Variants in LUC7L3 observed in about 807,000 individuals in gnomAD.
LUC7L3 encodes the protein LUC7 like 3 pre-mRNA splicing factor, also known as luc7-like protein 3.
Under a neutral mutation model 66.8 loss-of-function variants are expected in LUC7L3, and 6 were observed. The ratio of observed to expected loss-of-function variants is 0.09; its 90% CI spans 0.05 to 0.18. LUC7L3 has a LOEUF of 0.18. Ranked by LOEUF, LUC7L3 falls within the 10% of genes least tolerant of loss-of-function variation. The pLI is 1.00. For synonymous variants in LUC7L3, 160 were observed against 174.7 expected (o/e 0.92, Z 0.66); for missense variants, 341 against 531.1 (o/e 0.64, Z 3.52).
intron 1 of LUC7L3, among the ~76,000 whole-genome samples, chr17:50,724,531 T>A (rs1969026613): frequency 6.7e-6 from 1 of 150,050 alleles, no homozygotes; most frequent in Non-Finnish European, 1.5e-5. Flanking sequence ...AAAAAAAAAA[T>A]AGAATAAAAT....
chr17:50,741,607 T>A (rs1420751587), intron 4 of LUC7L3, 50 bp from the exon 5 acceptor site: 1 of 1,183,036 alleles, frequency 8.5e-7, no homozygotes, highest in African/African-American at 1.5e-5. Context: ...AGTTTGCATG[T>A]TTATCTTTGT....
At position 50,745,996 on chromosome 17, in the gene LUC7L3, C is replaced by T. The variant is rs369622093; in HGVS notation, c.970C>T (p.Arg324Trp). 2.9e-4 allele frequency: 459 copies of T among 1,598,148 alleles called. No homozygotes were observed. Among genetic ancestry groups the T allele is most frequent in the Non-Finnish European group, 3.7e-4 (436 of 1,175,908 alleles). Residue 324 changes from arginine to tryptophan, a missense_variant, in exon 8 of 10, where the codon CGG becomes TGG. This residue lies in a region of LUC7L3 where 210 missense variants were observed against 238.1 expected (regional missense o/e 0.88). Coordinates refer to ENST00000505658, the MANE Select transcript of LUC7L3 (RefSeq NM_016424.5). ...AAGGTCACGAAGTAGAGAAAGAAGG[C>T]GGAGCAGGTATATATAAAACACCCT... ...HKRSRSRERR[R>W]SRSRDRRRSR... is the part of the protein sequence containing the mutation.
At chr17:50,730,513 C>CAAAAAAAAAAAAAAAAA (rs3063109) in intron 1 of LUC7L3, among the ~76,000 whole-genome samples, 71 of 59,082 alleles carry the variant, frequency 1.2e-3, no homozygotes, top group Non-Finnish European at 1.4e-3. Context: ...ACTCTGTCTC[C>CAAAAAAAAAAAAAAAAA]AAAAAAAAAA....
intron 1 of LUC7L3, among the ~76,000 whole-genome samples, chr17:50,729,995 C>T (rs1460557364): frequency 7.3e-6 from 1 of 137,736 alleles, no homozygotes; most frequent in Non-Finnish European, 1.6e-5. Flanking sequence ...GCTCTGTTAC[C>T]CAGGCTGGAG....
intron 1 of LUC7L3, among the ~76,000 whole-genome samples, chr17:50,725,883 G>A (rs911083754): frequency 6.6e-6 from 1 of 152,112 alleles, no homozygotes; most frequent in Admixed American, 6.6e-5. Context: ...ACAGTACATG[G>A]TGCCACTAGC....
chr17:50,728,093 G>A (rs978445446), intron 1 of LUC7L3, among the ~76,000 whole-genome samples: 1 of 148,996 alleles, frequency 6.7e-6, no homozygotes, highest in Non-Finnish European at 1.5e-5. Flanking sequence ...ACTCCAGCAT[G>A]GGCGACAGAG....
chr17:50,745,337 C>T (rs1023722631), intron 7 of LUC7L3, among the ~76,000 whole-genome samples: 2 of 152,150 alleles, frequency 1.3e-5, no homozygotes, highest in African/African-American at 2.4e-5. Flanking sequence ...TTAGCTATAG[C>T]TACAGCTTTT....
At chr17:50,745,502 T>C (rs1331425873) in intron 7 of LUC7L3, among the ~76,000 whole-genome samples, 1 of 152,204 alleles carries the variant, frequency 6.6e-6, no homozygotes, top group Non-Finnish European at 1.5e-5. Flanking sequence ...AAGCACTTGA[T>C]TTTCTTAACT....
chr17:50,746,799 C>A, intron 9 of LUC7L3, 97 bp downstream of exon 9: 3 of 1,011,204 alleles, frequency 3.0e-6, no homozygotes, highest in South Asian at 1.8e-5. Context: ...CCATTTCATA[C>A]ATACTCCTTT....
In LUC7L3 at chr17:50,751,530, A is replaced by T. The variant is rs895000462; in HGVS notation, c.*869A>T. The T allele has an allele frequency of 8.5e-7, 1 of 1,177,564 alleles. No homozygotes were observed. The highest frequency in any genetic ancestry group is 1.1e-6 in the Non-Finnish European group (1 of 935,848). The allele number at this position is 1,177,564 out of a possible 1,614,324, so 72.9% of individuals were successfully genotyped here. A position where few individuals can be genotyped will look rare whatever the true frequency, so the allele number is the denominator to read the frequency against. On this transcript the variant is annotated 3_prime_UTR_variant, in exon 10 of 10. Coordinates refer to ENST00000505658, the MANE Select transcript of LUC7L3 (RefSeq NM_016424.5). ...ATAAAACAAATGTTAACAGAATGGA[A>T]TTTTTTTTCAACTGTATGTAGGGCT...
chr17:50,750,686 C>G lies in LUC7L3; in HGVS notation c.*25C>G, dbSNP rs1567880721. The G allele has an allele frequency of 6.2e-7, 1 of 1,613,954 alleles. No individual in the cohort carries two copies. On this transcript the variant is annotated 3_prime_UTR_variant, in exon 10 of 10. Transcript: ENST00000505658. Reference sequence around the variant, plus strand: ...AAACTGATCTGATAAGACCTCAGATCAGACAGAGGTAAGTGTATTGTTTCT... The same window carrying G: ...AAACTGATCTGATAAGACCTCAGATGAGACAGAGGTAAGTGTATTGTTTCT...
At chr17:50,744,900 C>T (rs1014709112) in intron 7 of LUC7L3, 87 bp downstream of exon 7, 24 of 1,112,264 alleles carry the variant, frequency 2.2e-5, no homozygotes, top group African/African-American at 3.2e-5. Flanking sequence ...CCACCTCCAC[C>T]TCCCAGGTTT....
intron 1 of LUC7L3, among the ~76,000 whole-genome samples, chr17:50,720,081 G>A (rs1968639252): frequency 6.6e-6 from 1 of 152,252 alleles, no homozygotes. Context: ...ACCTTGATGA[G>A]GCGGGGAAAC....
chr17:50,727,997 A>G (rs1315339450), intron 1 of LUC7L3, among the ~76,000 whole-genome samples: 1 of 151,696 alleles, frequency 6.6e-6, no homozygotes, highest in Non-Finnish European at 1.5e-5. Context: ...AGGCGCCTGT[A>G]GCCCCAGCTA....
intron 9 of LUC7L3, among the ~76,000 whole-genome samples, chr17:50,747,424 T>G (rs1970749778): frequency 3.3e-5 from 5 of 151,836 alleles, no homozygotes; most frequent in Admixed American, 3.3e-4. Context: ...TTTGTATTTT[T>G]TATATAAAAG....
chr17:50,725,273 G>GGT (rs1343165882), intron 1 of LUC7L3, among the ~76,000 whole-genome samples: 6 of 152,096 alleles, frequency 3.9e-5, no homozygotes, highest in Non-Finnish European at 8.8e-5. Flanking sequence ...AGCCAGGTGT[G>GGT]GTGGCGCACG....
chr17:50,744,876 ATC>A, intron 7 of LUC7L3, 63 bp downstream of exon 7: 1 of 1,383,016 alleles, frequency 7.2e-7, no homozygotes, highest in Non-Finnish European at 9.9e-7. Flanking sequence ...CAGTGACGCG[ATC>A]TCAGCTCACT....
intron 1 of LUC7L3, among the ~76,000 whole-genome samples, chr17:50,731,104 A>G (rs9911873): frequency 0.078 from 11,918 of 152,304 alleles, 454 homozygotes; most frequent in Non-Finnish European, 0.082. Context: ...TATTAAATGA[A>G]GACTGCTGGT....
rs1019712566 is a variant in LUC7L3 at position 50,751,988 on chromosome 17, G to A, written c.*1327G>A. 1.0e-5 allele frequency: 11 copies of A among 1,060,492 alleles called. No individual in the cohort carries two copies. The African/African-American group carries it at 1.9e-4, about 18-fold the overall frequency. The allele number at this position is 1,060,492 out of a possible 1,614,324, so 65.7% of individuals were successfully genotyped here. A position where few individuals can be genotyped will look rare whatever the true frequency, so the allele number is the denominator to read the frequency against. ...TTCCCCTTTTGGGAAAGCAATGTAA[G>A]GTTATGTCTGTGTATGTCATTCACA... On this transcript the variant is annotated 3_prime_UTR_variant, in exon 10 of 10. Transcript: ENST00000505658.
Sources: allele counts gnomAD v4.1 joint callset (sites outside exome capture counted in the v4.1 genomes callset), GRCh38; gene constraint gnomAD v4.1.1; regional missense constraint gnomAD v4.1.1; transcripts MANE v1.5; gene names NCBI Gene and HGNC (gene_info 2026-07-23, HGNC 2026-07-21).